FBXO6: variants seen among roughly 807,000 people sequenced by gnomAD.
FBXO6 encodes F-box protein 6.
A neutral mutation model predicts 25.0 loss-of-function variants in FBXO6; 13 were observed. That is an observed-to-expected ratio of 0.52 (90% CI 0.34 to 0.83). The LOEUF is 0.83. FBXO6 is among the 40% of genes least tolerant of loss of function. The pLI, the probability that FBXO6 is intolerant of heterozygous loss-of-function variation, is 0.02. For missense variants in FBXO6, 370 were observed against 380.2 expected (o/e 0.97, Z 0.22); for synonymous variants, 138 against 155.3 (o/e 0.89, Z 0.83).
chr1:11,669,059 T>G (rs1640532024), intron 2 of FBXO6, 115 bp downstream of exon 2: 1 of 1,327,578 alleles, frequency 7.5e-7, no homozygotes, highest in Non-Finnish European at 1.0e-6. Context: ...AACACCCACC[T>G]CACTTCCTTG....
In FBXO6 at chr1:11,673,571, C is replaced by A; in HGVS notation, c.646-44C>A. ...TAGAGGACCTGGCTCCTGCCTTCCC[C>A]TCCCCCGTCCCGGTGGTCACTTCCT... On this transcript the variant is annotated intron_variant, in intron 5 of 5. Transcript: ENST00000376753. This position sits in a 1 kb window ranked among gnomAD's most constrained non-coding sequence, Gnocchi z 4.3. 1 of 1,591,506 alleles carries A rather than the reference C, an allele frequency of 6.3e-7. No homozygotes were observed.
chr1:11,672,072 ACTGC>A (rs1640634030), intron 4 of FBXO6, 49 bp downstream of exon 4: 2 of 1,488,250 alleles, frequency 1.3e-6, no homozygotes, highest in Admixed American at 1.7e-5. Context: ...TGCTCCTCTT[ACTGC>A]GCTGCATGTA....
At chr1:11,666,073 C>G (rs1463585697) in intron 1 of FBXO6, among the ~76,000 whole-genome samples, 1 of 92,590 alleles carries the variant, frequency 1.1e-5, no homozygotes. Context: ...CAGTTTTGCT[C>G]TGTTGCCCAG....
chr1:11,673,580 C>T lies in FBXO6; in HGVS notation c.646-35C>T. ...TGGCTCCTGCCTTCCCCTCCCCCGTCCCGGTGGTCACTTCCTCTCCCTTCC... is the reference window on the plus strand; with the variant it reads ...TGGCTCCTGCCTTCCCCTCCCCCGTTCCGGTGGTCACTTCCTCTCCCTTCC... On this transcript the variant is annotated intron_variant, in intron 5 of 5. Coordinates refer to ENST00000376753, the MANE Select transcript of FBXO6 (RefSeq NM_018438.6). This position sits in a 1 kb window ranked among gnomAD's most constrained non-coding sequence, Gnocchi z 4.3. The T allele has an allele frequency of 1.3e-6, 2 of 1,598,676 alleles. No homozygotes were observed. The highest frequency in any genetic ancestry group is 1.7e-6 in the Non-Finnish European group (2 of 1,167,862).
chr1:11,673,549 A>G lies in FBXO6; in HGVS notation c.646-66A>G, dbSNP rs1389744883. On this transcript the variant is annotated intron_variant, in intron 5 of 5. Transcript: ENST00000376753. This position sits in a 1 kb window ranked among gnomAD's most constrained non-coding sequence, Gnocchi z 4.3. ...CTTCCAGCCTGGGCAGCTCTCTTAG[A>G]GGACCTGGCTCCTGCCTTCCCCTCC... 6 of 1,575,798 alleles carry G rather than the reference A, an allele frequency of 3.8e-6. No individual in the cohort carries two copies. The African/African-American group carries it at 5.4e-5, about 14-fold the overall frequency.
chr1:11,667,403 G>A (rs551181510), intron 1 of FBXO6, among the ~76,000 whole-genome samples: 4 of 152,348 alleles, frequency 2.6e-5, no homozygotes, highest in Non-Finnish European at 5.9e-5. Flanking sequence ...CCCGTGCGCA[G>A]TGCAGAGGTA....
At chr1:11,672,766 TGGC>T (rs1485337259) in intron 4 of FBXO6, among the ~76,000 whole-genome samples, 1 of 152,174 alleles carries the variant, frequency 6.6e-6, no homozygotes. Context: ...GCTTGGCCGG[TGGC>T]AGAAGCAGGA....
At chr1:11,672,187 C>G in intron 4 of FBXO6, 164 bp downstream of exon 4, 1 of 619,322 alleles carries the variant, frequency 1.6e-6, no homozygotes, top group Middle Eastern at 2.9e-4. Context: ...CCTGCGGCAC[C>G]TCCTGGCCTC....
At position 11,673,410 on chromosome 1, in the gene FBXO6, G is replaced by C; in HGVS notation, c.643G>C (p.Glu215Gln). 6.2e-7 allele frequency: 1 copy of C among 1,613,794 alleles called. No individual in the cohort carries two copies. Among genetic ancestry groups the C allele is most frequent in the Middle Eastern group, 1.6e-4 (1 of 6,062 alleles). The change falls in exon 5 of 6, where the codon GAG (glutamate) becomes CAG (glutamine). Residue 215 changes from glutamate to glutamine, a missense_variant and splice_region_variant. Physicochemically the swap from Glu to Gln is conservative, Grantham distance 29 (BLOSUM62 2). Transcript: ENST00000376753. The surrounding 1 kb of genome is among the most constrained non-coding windows in gnomAD (Gnocchi z 4.3). ...IQQWNNATWTEVSYTFSDYPR... is the reference protein window; with the variant it reads ...IQQWNNATWTQVSYTFSDYPR... ...ACAGTGGAACAATGCCACATGGACAGAGGTGAGGCCTCACCCACTTGCTCT... is the reference window on the plus strand; with the variant it reads ...ACAGTGGAACAATGCCACATGGACACAGGTGAGGCCTCACCCACTTGCTCT...
In FBXO6 at chr1:11,673,491, C is replaced by G; in HGVS notation, c.645+79C>G. On this transcript the variant is annotated intron_variant, in intron 5 of 5. Coordinates refer to ENST00000376753, the MANE Select transcript of FBXO6 (RefSeq NM_018438.6). This position sits in a 1 kb window ranked among gnomAD's most constrained non-coding sequence, Gnocchi z 4.3. ...CAGGAAGCAAAGGGCAGCCTCAGGG[C>G]CCAGGGTGCCCCTGCTGGCCTGGAG... 3 of 1,584,498 alleles carry G rather than the reference C, an allele frequency of 1.9e-6. No individual in the cohort carries two copies. Among genetic ancestry groups the G allele is most frequent in the Non-Finnish European group, 2.6e-6 (3 of 1,162,218 alleles).
intron 2 of FBXO6, among the ~76,000 whole-genome samples, chr1:11,670,539 C>T (rs1436976026): frequency 6.6e-6 from 1 of 151,924 alleles, no homozygotes; most frequent in Non-Finnish European, 1.5e-5. Flanking sequence ...GCCTCTCCCT[C>T]CTGGACATCT....
Position 11,674,197 on chromosome 1 carries a change from G to A in FBXO6, c.*346G>A, listed in dbSNP as rs1416612738. ...CGGGCGCCTGTAGTCCCAGCTACTC[G>A]GGAGGCTGATGCAGAAGAATGGCGT... On this transcript the variant is annotated 3_prime_UTR_variant, in exon 6 of 6. Coordinates refer to ENST00000376753, the MANE Select transcript of FBXO6 (RefSeq NM_018438.6). The surrounding 1 kb of genome is among the most constrained non-coding windows in gnomAD (Gnocchi z 6.1). 26 of 272,954 alleles carry A rather than the reference G, an allele frequency of 9.5e-5. No homozygotes were observed. The highest frequency in any genetic ancestry group is 8.3e-4 in the South Asian group (20 of 24,036). 16.9% of individuals were successfully genotyped at this position (272,954 alleles called of 1,614,324 possible). A position where few individuals can be genotyped will look rare whatever the true frequency, so the allele number is the denominator to read the frequency against.
chr1:11,670,212 C>CAG (rs1640577989), intron 2 of FBXO6, among the ~76,000 whole-genome samples: 1 of 111,648 alleles, frequency 9.0e-6, no homozygotes, highest in Non-Finnish European at 1.9e-5. Context: ...GACTCCGTCT[C>CAG]AAAAAAAAAA....
Position 11,673,463 on chromosome 1 carries a change from T to G in FBXO6, c.645+51T>G, listed in dbSNP as rs748080575. 1 of 1,601,672 alleles carries G rather than the reference T, an allele frequency of 6.2e-7. No homozygotes were observed. Among genetic ancestry groups the G allele is most frequent in the Admixed American group, 1.7e-5 (1 of 59,396 alleles). ...CTACCCACTCCTCCCAGGGCCAGGA[T>G]GGCAGGAAGCAAAGGGCAGCCTCAG... On this transcript the variant is annotated intron_variant, in intron 5 of 5. Transcript: ENST00000376753. This position sits in a 1 kb window ranked among gnomAD's most constrained non-coding sequence, Gnocchi z 4.3.
rs1570281756 is a variant in FBXO6 at position 11,673,926 on chromosome 1, T to C, written c.*75T>C. 1 of 1,358,294 alleles carries C rather than the reference T, an allele frequency of 7.4e-7. No homozygotes were observed. Among genetic ancestry groups the C allele is most frequent in the Non-Finnish European group, 1.0e-6 (1 of 953,242 alleles). The allele number at this position is 1,358,294 out of a possible 1,614,324, so 84.1% of individuals were successfully genotyped here. A position where few individuals can be genotyped will look rare whatever the true frequency, so the allele number is the denominator to read the frequency against. On this transcript the variant is annotated 3_prime_UTR_variant, in exon 6 of 6. Transcript: ENST00000376753. The surrounding 1 kb of genome is among the most constrained non-coding windows in gnomAD (Gnocchi z 4.3). ...GCTGAGCATGGGGTGGGCAGTGAGG[T>C]CCCTGTACCAGCGACTCCTGCCCCG...
chr1:11,673,132 C>CCA lies in FBXO6; in HGVS notation c.510-145_510-144insCA. On this transcript the variant is annotated intron_variant, in intron 4 of 5. Coordinates refer to ENST00000376753, the MANE Select transcript of FBXO6 (RefSeq NM_018438.6). The surrounding 1 kb of genome is among the most constrained non-coding windows in gnomAD (Gnocchi z 4.3). ...GGGCCACAGTGGGGCATAGGGAGCG[C>CCA]TGAAGCCAGCTGGGCCTTGCAGGCA... is the stretch of plus-strand genomic sequence containing the variant. 9.8e-7 allele frequency: 1 copy of CCA among 1,023,124 alleles called. No homozygotes were observed. Among genetic ancestry groups the CCA allele is most frequent in the Non-Finnish European group, 1.4e-6 (1 of 727,234 alleles). 63.4% of individuals were successfully genotyped at this position (1,023,124 alleles called of 1,614,324 possible).
chr1:11,668,393 T>C (rs1640503464), intron 1 of FBXO6, among the ~76,000 whole-genome samples: 1 of 134,020 alleles, frequency 7.5e-6, no homozygotes, highest in African/African-American at 3.6e-5. Context: ...AGAAATGCTC[T>C]TTTGTGGGTT....
In FBXO6 at chr1:11,673,893, A is replaced by G. The variant is rs1336655998; in HGVS notation, c.*42A>G. On this transcript the variant is annotated 3_prime_UTR_variant, in exon 6 of 6. Coordinates refer to ENST00000376753, the MANE Select transcript of FBXO6 (RefSeq NM_018438.6). The surrounding 1 kb of genome is among the most constrained non-coding windows in gnomAD (Gnocchi z 4.3). ...GTCTGGGTCAGCCAGAGGTTCCTCC[A>G]GGCAGGAGCTGAGCATGGGGTGGGC... 1.3e-6 allele frequency: 2 copies of G among 1,592,374 alleles called. No homozygotes were observed. The highest frequency in any genetic ancestry group is 1.1e-5 in the South Asian group (1 of 90,474).
chr1:11,670,267 C>A (rs1640579819), intron 2 of FBXO6, among the ~76,000 whole-genome samples: 1 of 151,424 alleles, frequency 6.6e-6, no homozygotes, highest in East Asian at 2.0e-4. Flanking sequence ...AGTAGAGAAG[C>A]GCCATTGTCT....
Sources: allele counts gnomAD v4.1 joint callset (sites outside exome capture counted in the v4.1 genomes callset), GRCh38; gene constraint gnomAD v4.1.1; non-coding constraint Gnocchi (gnomAD v3.1); transcripts MANE v1.5; gene names NCBI Gene and HGNC (gene_info 2026-07-23, HGNC 2026-07-21).